ERC2: variants seen among roughly 807,000 people sequenced by gnomAD.
ERC2 encodes the protein ELKS/RAB6-interacting/CAST family member 2, also known as ERC protein 2.
A neutral mutation model predicts 114.8 loss-of-function variants in ERC2; 42 were observed. The observed-to-expected ratio is 0.37, with a 90% CI of 0.29 to 0.47. The LOEUF is 0.47. Among genes scored for constraint, ERC2 ranks in the 20% least tolerant of loss-of-function variants. The pLI is 0.99. For synonymous variants in ERC2, 454 were observed against 425.5 expected (o/e 1.07, Z -0.82); for missense variants, 939 against 1,150.7 (o/e 0.82, Z 2.66).
intron 14 of ERC2, among the ~76,000 whole-genome samples, chr3:55,861,968 G>A (rs2149263657): frequency 6.6e-6 from 1 of 152,370 alleles, no homozygotes; most frequent in Admixed American, 6.5e-5. Flanking sequence ...CTCAGCCAGT[G>A]TTAAACATCA....
chr3:56,086,796 C>T (rs900588673), intron 6 of ERC2, among the ~76,000 whole-genome samples: 2 of 152,084 alleles, frequency 1.3e-5, no homozygotes, highest in Non-Finnish European at 2.9e-5. Context: ...CAGAGTACAT[C>T]ACTTAAAACA....
chr3:55,806,447 G>A (rs1200722819), intron 14 of ERC2, among the ~76,000 whole-genome samples: 2 of 152,058 alleles, frequency 1.3e-5, no homozygotes, highest in Non-Finnish European at 2.9e-5. Context: ...AAGGAAGGAA[G>A]AATCACAAGG....
At chr3:56,178,033 T>C (rs982402029) in intron 3 of ERC2, among the ~76,000 whole-genome samples, 1 of 152,202 alleles carries the variant, frequency 6.6e-6, no homozygotes, top group Non-Finnish European at 1.5e-5. Flanking sequence ...TAGTGCAAAA[T>C]TGCTAGCTCC....
At chr3:56,284,988 GTC>G (rs397873939) in intron 3 of ERC2, among the ~76,000 whole-genome samples, 3,657 of 114,804 alleles carry the variant, frequency 0.032, 44 homozygotes, top group Middle Eastern at 0.059. Context: ...CAATCACTCT[GTC>G]TCTCTCTCTC....
At chr3:55,545,102 C>T (rs1271830861) in intron 17 of ERC2, among the ~76,000 whole-genome samples, 2 of 152,222 alleles carry the variant, frequency 1.3e-5, no homozygotes, top group African/African-American at 2.4e-5. Flanking sequence ...AGACTTCTCT[C>T]CCATCTCATC....
intron 14 of ERC2, among the ~76,000 whole-genome samples, chr3:55,863,628 A>G (rs2062120947): frequency 6.6e-6 from 1 of 152,138 alleles, no homozygotes; most frequent in Non-Finnish European, 1.5e-5. Context: ...ACCAAAAAGA[A>G]CTTTGAAAAC....
intron 6 of ERC2, among the ~76,000 whole-genome samples, chr3:56,084,244 A>G (rs112676018): frequency 8.1e-4 from 124 of 152,296 alleles, no homozygotes; most frequent in African/African-American, 2.9e-3. Context: ...GTGGAAAGGA[A>G]ATGCTTATAC....
intron 5 of ERC2, among the ~76,000 whole-genome samples, chr3:56,146,702 T>A (rs2081158106): frequency 6.6e-6 from 1 of 152,170 alleles, no homozygotes. Flanking sequence ...CGCCCCTATT[T>A]TATAGAAGAA....
At chr3:56,444,657 A>G (rs1312392015) in intron 1 of ERC2, among the ~76,000 whole-genome samples, 1 of 152,204 alleles carries the variant, frequency 6.6e-6, no homozygotes, top group Non-Finnish European at 1.5e-5. Context: ...GTCTAACTCA[A>G]GTATCTCAGA....
chr3:56,054,318 G>C (rs749854554), intron 7 of ERC2, among the ~76,000 whole-genome samples: 30 of 152,296 alleles, frequency 2.0e-4, no homozygotes, highest in Non-Finnish European at 1.6e-4. Flanking sequence ...ATCGTTGAAC[G>C]GGGGAGATTT....
intron 2 of ERC2, among the ~76,000 whole-genome samples, chr3:56,429,987 T>A (rs2061724415): frequency 6.6e-6 from 1 of 152,148 alleles, no homozygotes; most frequent in Non-Finnish European, 1.5e-5. Context: ...ACGCTGCATA[T>A]AAGAAGGAAA....
intron 2 of ERC2, among the ~76,000 whole-genome samples, chr3:56,379,246 A>C (rs979564165): frequency 3.3e-5 from 5 of 152,138 alleles, no homozygotes; most frequent in Non-Finnish European, 7.3e-5. Flanking sequence ...GGGTAAATGC[A>C]CTTATCCTAT....
In ERC2 at chr3:55,679,298, T is replaced by C. The variant is rs547538085; in HGVS notation, c.*39+4496A>G. ...ATGCCTCCCGGGACCACCTCCCAAATGCACGCCTTGGCATGGATACCTCCT... is the reference window on the plus strand; with the variant it reads ...ATGCCTCCCGGGACCACCTCCCAAACGCACGCCTTGGCATGGATACCTCCT... On this transcript the variant is annotated intron_variant, in intron 17 of 17. Transcript: ENST00000288221. Among the ~76,000 whole-genome samples, 274 of 152,314 alleles carry C rather than the reference T, an allele frequency of 1.8e-3. 5 individuals carry two copies. Among genetic ancestry groups the C allele is most frequent in the Non-Finnish European group, 5.9e-4 (40 of 68,022 alleles).
intron 4 of ERC2, among the ~76,000 whole-genome samples, chr3:56,165,510 C>T (rs1161390648): frequency 6.8e-6 from 1 of 146,356 alleles, no homozygotes; most frequent in Non-Finnish European, 1.5e-5. Context: ...CTTCTCATTG[C>T]CATATAGCAT....
intron 7 of ERC2, among the ~76,000 whole-genome samples, chr3:56,071,073 A>T (rs2076715433): frequency 6.6e-6 from 1 of 152,174 alleles, no homozygotes; most frequent in African/African-American, 2.4e-5. Context: ...CCTATTTAGT[A>T]ATTTTCTCCA....
intron 14 of ERC2, among the ~76,000 whole-genome samples, chr3:55,747,612 G>A (rs531772012): frequency 6.6e-6 from 1 of 152,358 alleles, no homozygotes; most frequent in South Asian, 2.1e-4. Flanking sequence ...AACACACTAA[G>A]CCTATCTAAT....
rs6445758 is a variant in ERC2 at position 55,944,212 on chromosome 3, C to G, written c.2403+6213G>C. Among the ~76,000 whole-genome samples the G allele has an allele frequency of 6.1e-3, 927 of 152,318 alleles. 15 individuals are homozygous for G. Among genetic ancestry groups the G allele is most frequent in the African/African-American group, 0.021 (891 of 41,570 alleles). ...TTTGAGAAATATGTTGCGTTTCATTCAGCAGGATCTTCAGCCTTCGGCAAA... is the reference window on the plus strand; with the variant it reads ...TTTGAGAAATATGTTGCGTTTCATTGAGCAGGATCTTCAGCCTTCGGCAAA... On this transcript the variant is annotated intron_variant, in intron 13 of 17. Coordinates refer to ENST00000288221, the MANE Select transcript of ERC2 (RefSeq NM_015576.3).
intron 15 of ERC2, among the ~76,000 whole-genome samples, chr3:55,713,858 T>G (rs1473545718): frequency 6.6e-6 from 1 of 152,224 alleles, no homozygotes; most frequent in Admixed American, 6.5e-5. Flanking sequence ...CATATACATA[T>G]AAGTTTGTCC....
At chr3:56,265,903 C>T (rs1215085513) in intron 3 of ERC2, among the ~76,000 whole-genome samples, 3 of 151,454 alleles carry the variant, frequency 2.0e-5, no homozygotes, top group Non-Finnish European at 4.4e-5. Flanking sequence ...GTGGTGTGTG[C>T]CTGTAGTCCC....
Sources: allele counts gnomAD v4.1 joint callset (sites outside exome capture counted in the v4.1 genomes callset), GRCh38; gene constraint gnomAD v4.1.1; transcripts MANE v1.5; gene names NCBI Gene and HGNC (gene_info 2026-07-23, HGNC 2026-07-21).